The following STK31 variants were observed in gnomAD, a reference collection of about 807,000 sequenced individuals.
STK31 encodes the protein serine/threonine-protein kinase 31.
In STK31, 89 loss-of-function variants were observed where a neutral mutation model predicts 129.7. The observed-to-expected ratio is 0.69, with a 90% CI of 0.58 to 0.82. STK31 has a LOEUF of 0.82. Ranked by LOEUF, STK31 falls within the 40% of genes least tolerant of loss-of-function variation. The probability of loss-of-function intolerance (pLI) is 0.00; values close to 1 mark genes in which losing one functional copy is unlikely to be tolerated. For synonymous variants in STK31, 448 were observed against 395.3 expected, an observed-to-expected ratio of 1.13 and a Z score of -1.58; for missense variants, 1,187 against 1,176.4, an observed-to-expected ratio of 1.01 and a Z score of -0.13.
intron 23 of STK31, among the ~76,000 whole-genome samples, chr7:23,824,646 T>C (rs1385018458): frequency 1.3e-5 from 2 of 151,952 alleles, no homozygotes; most frequent in South Asian, 2.1e-4. Context: ...TGAATAGGAG[T>C]GGTGAGAGAG....
intron 6 of STK31, among the ~76,000 whole-genome samples, chr7:23,732,393 T>G (rs1443980191): frequency 6.6e-6 from 1 of 152,232 alleles, no homozygotes; most frequent in Non-Finnish European, 1.5e-5. Context: ...AATTAAATGT[T>G]TATATGTATT....
At chr7:23,789,287 CAT>C (rs1483256390) in intron 21 of STK31, among the ~76,000 whole-genome samples, 5 of 152,012 alleles carry the variant, frequency 3.3e-5, no homozygotes, top group African/African-American at 1.2e-4. Flanking sequence ...TTTGTGTGGA[CAT>C]GTTTTCATTT....
intron 22 of STK31, among the ~76,000 whole-genome samples, chr7:23,794,556 C>G (rs6461739): frequency 0.98 from 149,114 of 152,280 alleles, 73,107 homozygotes; most frequent in East Asian, 1. Flanking sequence ...TTTGGAACTG[C>G]GTCATGGGCA....
intron 22 of STK31, among the ~76,000 whole-genome samples, chr7:23,798,907 A>G (rs1363048676): frequency 6.6e-6 from 1 of 152,234 alleles, no homozygotes; most frequent in Non-Finnish European, 1.5e-5. Flanking sequence ...GTCTCAGGAT[A>G]CAAAATCAGT....
At chr7:23,766,806 A>G (rs973944681) in intron 11 of STK31, among the ~76,000 whole-genome samples, 4 of 152,140 alleles carry the variant, frequency 2.6e-5, no homozygotes, top group Non-Finnish European at 5.9e-5. Context: ...CTTCTGATAG[A>G]TATTTCAGCT....
At chr7:23,795,666 A>G (rs935045643) in intron 22 of STK31, among the ~76,000 whole-genome samples, 1 of 152,240 alleles carries the variant, frequency 6.6e-6, no homozygotes, top group African/African-American at 2.4e-5. Context: ...GCGGGGCTGT[A>G]GCCTGCAAAG....
intron 23 of STK31, among the ~76,000 whole-genome samples, chr7:23,827,356 G>A (rs1212051708): frequency 7.3e-5 from 11 of 151,362 alleles, no homozygotes; most frequent in Non-Finnish European, 1.0e-4. Flanking sequence ...TTCATCTTCC[G>A]TCACTGATAC....
intron 9 of STK31, among the ~76,000 whole-genome samples, chr7:23,753,464 A>ATTG (rs1788849692): frequency 6.6e-6 from 1 of 152,222 alleles, no homozygotes; most frequent in Non-Finnish European, 1.5e-5. Flanking sequence ...GGCCACCTGC[A>ATTG]ACCCCTGGAT....
chr7:23,810,999 A>C (rs1377062074), intron 22 of STK31: 1 of 153,558 alleles, frequency 6.5e-6, no homozygotes, highest in Non-Finnish European at 1.4e-5. Context: ...CAACACCTGT[A>C]CTCCAGATAA....
chr7:23,813,646 G>A (rs1454633185), intron 22 of STK31, among the ~76,000 whole-genome samples: 1 of 152,110 alleles, frequency 6.6e-6, no homozygotes, highest in Non-Finnish European at 1.5e-5. Context: ...GTGCTGCTGG[G>A]CCTCCAGTGG....
Position 23,786,864 on chromosome 7 carries a change from C to G in STK31, c.2427C>G (p.Val809=), listed in dbSNP as rs1366000967. The change falls in exon 20 of 24, where the codon GTC becomes GTG. Residue 809 remains valine, a synonymous_variant. Transcript: ENST00000355870. ...CTGATCCTATGGCTTATCTGATGGT[C>G]CCATACTACCCTAGGGCAAACCTGA... ...CKSDPMAYLM[V]PYYPRANLNA... is the part of the protein sequence containing the mutation. 15 of 1,613,768 alleles carry G rather than the reference C, an allele frequency of 9.3e-6. No homozygotes were observed. The highest frequency in any genetic ancestry group is 1.3e-5 in the Non-Finnish European group (15 of 1,179,920).
chr7:23,733,927 A>G (rs1278371530), intron 6 of STK31, among the ~76,000 whole-genome samples: 1 of 152,214 alleles, frequency 6.6e-6, no homozygotes, highest in Non-Finnish European at 1.5e-5. Context: ...CCTGACTGAT[A>G]AAGGAGCCCC....
intron 7 of STK31, 132 bp downstream of exon 7, chr7:23,736,028 G>A: frequency 1.4e-6 from 1 of 711,500 alleles, no homozygotes. Context: ...TGATATTTCT[G>A]TTTTTCTCAA....
chr7:23,812,503 A>T (rs758109073), intron 22 of STK31, among the ~76,000 whole-genome samples: 2 of 125,766 alleles, frequency 1.6e-5, no homozygotes, highest in African/African-American at 3.0e-5. Context: ...TTCAACCATT[A>T]TTTTCTTAAA....
chr7:23,730,879 T>TATATATATATACA (rs1491380351), intron 6 of STK31, among the ~76,000 whole-genome samples: 5 of 39,330 alleles, frequency 1.3e-4, no homozygotes, highest in African/African-American at 3.7e-4. Flanking sequence ...TATATATATA[T>TATATATATATACA]TTTTTTTTTT....
At chr7:23,790,791 G>A in intron 21 of STK31, 33 bp from the exon 22 acceptor site, 1 of 1,555,184 alleles carries the variant, frequency 6.4e-7, no homozygotes, top group Non-Finnish European at 8.7e-7. Flanking sequence ...CAACTGTGTT[G>A]TATCTGAAAT....
At chr7:23,743,829 C>A (rs957066866) in intron 8 of STK31, among the ~76,000 whole-genome samples, 1 of 149,364 alleles carries the variant, frequency 6.7e-6, no homozygotes, top group African/African-American at 2.5e-5. Flanking sequence ...CTTTTTTGTT[C>A]TTTTTTTAAA....
At chr7:23,822,542 G>T (rs771620520) in intron 23 of STK31, among the ~76,000 whole-genome samples, 1 of 152,016 alleles carries the variant, frequency 6.6e-6, no homozygotes, top group Non-Finnish European at 1.5e-5. Flanking sequence ...GAGTCTTTAG[G>T]TTTTTCTAGA....
At chr7:23,767,676 C>T (rs930318491) in intron 11 of STK31, among the ~76,000 whole-genome samples, 1 of 152,174 alleles carries the variant, frequency 6.6e-6, no homozygotes, top group African/African-American at 2.4e-5. Context: ...CATCTGTGTT[C>T]TTGTGCTGTA....
Sources: allele counts gnomAD v4.1 joint callset (sites outside exome capture counted in the v4.1 genomes callset), GRCh38; gene constraint gnomAD v4.1.1; transcripts MANE v1.5; gene names NCBI Gene and HGNC (gene_info 2026-07-23, HGNC 2026-07-21).